NRCAM: variants seen among roughly 807,000 people sequenced by gnomAD.
The protein encoded by NRCAM is neuronal cell adhesion molecule.
NRCAM carries 83 observed loss-of-function variants against 156.5 expected under a neutral mutation model. The observed-to-expected ratio is 0.53, with a 90% CI of 0.44 to 0.64. The LOEUF (loss-of-function observed/expected upper bound fraction) is 0.64. NRCAM is among the 30% of genes least tolerant of loss of function. The probability of loss-of-function intolerance (pLI) is 0.00; values close to 1 mark genes in which losing one functional copy is unlikely to be tolerated. For missense variants in NRCAM, 1,417 were observed against 1,597.3 expected, an observed-to-expected ratio of 0.89 and a Z score of 1.92; for synonymous variants, 538 against 563.9, an observed-to-expected ratio of 0.95 and a Z score of 0.65.
At position 108,224,785 on chromosome 7, in the gene NRCAM, C is replaced by T. The variant is rs55643449; in HGVS notation, c.778+860G>A. On this transcript the variant is annotated intron_variant, in intron 10 of 32. Coordinates refer to ENST00000379028, the MANE Select transcript of NRCAM (RefSeq NM_001037132.4). ...TTTCCTAAGAATTTAGAGATTGTAGCGGGGAAACTTACTCCTCTAAAATCA... is the reference window on the plus strand; with the variant it reads ...TTTCCTAAGAATTTAGAGATTGTAGTGGGGAAACTTACTCCTCTAAAATCA... Among the ~76,000 whole-genome samples, 280 of 151,944 alleles carry T rather than the reference C, an allele frequency of 1.8e-3. 1 individual carries two copies. The highest frequency in any genetic ancestry group is 6.3e-3 in the African/African-American group (263 of 41,464).
In NRCAM at chr7:108,232,528, C is replaced by A. The variant is rs2094452153; in HGVS notation, c.231-6G>T. ...CATTACGGGTCCAGGAAAAGCTGCC[C>A]AACACACGAAGTGTTAAGTGTATTA... On this transcript the variant is annotated splice_region_variant and splice_polypyrimidine_tract_variant and intron_variant, in intron 6 of 32. Transcript: ENST00000379028. 1 of 1,602,970 alleles carries A rather than the reference C, an allele frequency of 6.2e-7. No homozygotes were observed. The highest frequency in any genetic ancestry group is 8.5e-7 in the Non-Finnish European group (1 of 1,175,236).
chr7:108,166,449 T>C (rs1585810106), intron 30 of NRCAM, among the ~76,000 whole-genome samples: 1 of 152,002 alleles, frequency 6.6e-6, no homozygotes, highest in East Asian at 1.9e-4. Context: ...GGTTTCATCA[T>C]GTTGGCCAGG....
chr7:108,278,359 A>C (rs1336135065), intron 3 of NRCAM, among the ~76,000 whole-genome samples: 1 of 152,142 alleles, frequency 6.6e-6, no homozygotes, highest in Non-Finnish European at 1.5e-5. Flanking sequence ...GTATCTAGAG[A>C]GGCAGTAAGC....
At chr7:108,271,953 C>A (rs1416429366) in intron 3 of NRCAM, among the ~76,000 whole-genome samples, 1 of 152,092 alleles carries the variant, frequency 6.6e-6, no homozygotes, top group African/African-American at 2.4e-5. Flanking sequence ...GCCACACTAG[C>A]TGAACAAATG....
chr7:108,391,299 G>T (rs1318353904), intron 2 of NRCAM, among the ~76,000 whole-genome samples: 1 of 152,088 alleles, frequency 6.6e-6, no homozygotes, highest in East Asian at 1.9e-4. Flanking sequence ...AGCTCTTCTT[G>T]TTGAATTGAT....
At chr7:108,333,024 A>G (rs188459196) in intron 2 of NRCAM, among the ~76,000 whole-genome samples, 3 of 152,328 alleles carry the variant, frequency 2.0e-5, no homozygotes, top group East Asian at 3.9e-4. Context: ...ATTTTATATG[A>G]TTCAACCTAA....
At chr7:108,264,990 A>T (rs2097037959) in intron 3 of NRCAM, among the ~76,000 whole-genome samples, 1 of 152,222 alleles carries the variant, frequency 6.6e-6, no homozygotes, top group South Asian at 2.1e-4. Context: ...GAGCCGAGAC[A>T]TCTGGATGTG....
intron 6 of NRCAM, among the ~76,000 whole-genome samples, chr7:108,233,320 T>C (rs1388878692): frequency 6.6e-6 from 1 of 152,208 alleles, no homozygotes. Context: ...TGGATTTCCC[T>C]TCCCACTGCT....
At chr7:108,183,476 A>C (rs1055567780) in intron 22 of NRCAM, among the ~76,000 whole-genome samples, 5 of 152,132 alleles carry the variant, frequency 3.3e-5, no homozygotes, top group Non-Finnish European at 7.4e-5. Context: ...AACACAGATA[A>C]GCTTTCCCCA....
At chr7:108,405,259 A>G (rs553417328) in intron 1 of NRCAM, among the ~76,000 whole-genome samples, 1 of 152,366 alleles carries the variant, frequency 6.6e-6, no homozygotes, top group African/African-American at 2.4e-5. Flanking sequence ...AATATGCTGG[A>G]ATACCAGTTT....
rs570788077 is a variant in NRCAM, at chr7:108,265,093, G to A, written c.-106-24923C>T. 2.0e-5 allele frequency among the ~76,000 whole-genome samples: 3 copies of A among 152,320 alleles called. No individual in the cohort carries two copies. The East Asian group carries it at 5.8e-4, about 29-fold the overall frequency. Reference sequence around the variant, plus strand: ...CACCTTCTGAAAGATGTTCAGAGCTGAGTGTGCGGGAGCCGTGGCTCATAC... The same window carrying A: ...CACCTTCTGAAAGATGTTCAGAGCTAAGTGTGCGGGAGCCGTGGCTCATAC... On this transcript the variant is annotated intron_variant, in intron 3 of 32. Transcript: ENST00000379028.
chr7:108,274,433 TCTC>T (rs1165582796), intron 3 of NRCAM, among the ~76,000 whole-genome samples: 2 of 152,204 alleles, frequency 1.3e-5, no homozygotes, highest in Non-Finnish European at 2.9e-5. Flanking sequence ...GGTTTGTAGT[TCTC>T]CTTGAAGAGG....
chr7:108,166,959 C>T lies in NRCAM; in HGVS notation c.3428G>A (p.Gly1143Asp). The T allele has an allele frequency of 1.2e-6, 2 of 1,613,908 alleles. No homozygotes were observed. The highest frequency in any genetic ancestry group is 1.7e-5 in the Admixed American group (1 of 60,010). Residue 1143 changes from glycine to aspartate, a missense_variant, in exon 30 of 33, where the codon GGT (glycine) becomes GAT (aspartate). Transcript: ENST00000379028. ...AAACACATCCTCTGAACTCACAAAA[C>T]CAGAGTCCCCCACAGCACCAACTCG... is the stretch of plus-strand genomic sequence containing the variant. ...KVRVGAVGDSGFVSSEDVFET... is the reference protein window; with the variant it reads ...KVRVGAVGDSDFVSSEDVFET...
intron 3 of NRCAM, among the ~76,000 whole-genome samples, chr7:108,303,739 T>G (rs972189902): frequency 2.0e-5 from 3 of 152,130 alleles, no homozygotes; most frequent in Non-Finnish European, 4.4e-5. Context: ...GCCTGGAATG[T>G]CCTTCTCCAT....
chr7:108,169,964 A>G (rs1329193357), intron 28 of NRCAM, among the ~76,000 whole-genome samples: 1 of 152,132 alleles, frequency 6.6e-6, no homozygotes, highest in African/African-American at 2.4e-5. Flanking sequence ...TTCTTCTTAT[A>G]TTTTACATTG....
At chr7:108,158,905 T>C (rs998928584) in intron 32 of NRCAM, among the ~76,000 whole-genome samples, 7 of 152,200 alleles carry the variant, frequency 4.6e-5, no homozygotes, top group African/African-American at 7.2e-5. Context: ...AAGCCAAGAA[T>C]GTATTATCAA....
At chr7:108,204,306 T>C (rs1386862508) in intron 13 of NRCAM, among the ~76,000 whole-genome samples, 2 of 152,170 alleles carry the variant, frequency 1.3e-5, no homozygotes, top group Non-Finnish European at 2.9e-5. Flanking sequence ...AGGGTTCACT[T>C]TGAACTTAGC....
intron 3 of NRCAM, among the ~76,000 whole-genome samples, chr7:108,311,553 A>G (rs2098803729): frequency 6.6e-6 from 1 of 152,294 alleles, no homozygotes; most frequent in East Asian, 1.9e-4. Flanking sequence ...TTCACTTTTC[A>G]GGGACTGTTC....
chr7:108,362,482 C>T (rs898407942), intron 2 of NRCAM, among the ~76,000 whole-genome samples: 1 of 152,166 alleles, frequency 6.6e-6, no homozygotes, highest in African/African-American at 2.4e-5. Context: ...AATGAATGAG[C>T]TATCAAGCCT....
Sources: gnomAD v4.1 joint callset for allele counts (sites outside exome capture counted in the v4.1 genomes callset) on GRCh38, gnomAD v4.1.1 for gene constraint, MANE v1.5 for transcripts, NCBI Gene and HGNC (gene_info 2026-07-23, HGNC 2026-07-21) for gene names.